Variants in SGSH observed in about 807,000 individuals in gnomAD.
The protein encoded by SGSH is N-sulfoglucosamine sulfohydrolase, also known as heparan sulfate sulfatase.
SGSH carries 48 observed loss-of-function variants against 51.0 expected under a neutral mutation model. The observed-to-expected ratio is 0.94, with a 90% confidence interval of 0.75 to 1.20. The LOEUF is 1.20. Among genes scored for constraint, SGSH ranks in the 50% most tolerant of loss-of-function variants. The pLI, the probability that SGSH is intolerant of heterozygous loss-of-function variation, is 0.00. For missense variants in SGSH, 662 were observed against 717.8 expected (o/e 0.92, Z 0.89); for synonymous variants, 321 against 313.4 (o/e 1.02, Z -0.26).
chr17:80,208,371 T>A, downstream of SGSH: 1 of 1,541,148 alleles, frequency 6.5e-7, no homozygotes, highest in Non-Finnish European at 8.8e-7. Context: ...CCCGGGACTG[T>A]GGGGGCTTCT....
chr17:80,210,927 C>A lies in SGSH; in HGVS notation c.1034G>T (p.Gly345Val), dbSNP rs1438243094. Reference protein sequence around the residue: ...IFGSKTIHLTGRSLLPALEAE... With the variant: ...IFGSKTIHLTVRSLLPALEAE... Reference sequence around the variant, plus strand: ...CTCCAGCGCCGGCAGGAGGGACCGGCCAGTGAGGTGGATGGTCTTCGAGCC... The same window carrying A: ...CTCCAGCGCCGGCAGGAGGGACCGGACAGTGAGGTGGATGGTCTTCGAGCC... Residue 345 changes from glycine to valine, a missense_variant, in exon 8 of 8, where the codon GGC becomes GTC. Transcript: ENST00000326317. The A allele has an allele frequency of 6.2e-7, 1 of 1,608,116 alleles. No individual in the cohort carries two copies. Among genetic ancestry groups the A allele is most frequent in the Non-Finnish European group, 8.5e-7 (1 of 1,179,966 alleles).
chr17:80,219,343 G>A (rs1225122469), intron 1 of SGSH, among the ~76,000 whole-genome samples: 1 of 152,128 alleles, frequency 6.6e-6, no homozygotes, highest in African/African-American at 2.4e-5. Flanking sequence ...TCAGCCCACA[G>A]AACTGTGAGA....
intron 1 of SGSH, among the ~76,000 whole-genome samples, chr17:80,218,972 C>G (rs528605634): frequency 2.1e-4 from 32 of 151,976 alleles, no homozygotes; most frequent in Non-Finnish European, 4.1e-4. Context: ...CCAGTCTGGG[C>G]AACACAGTGA....
At chr17:80,205,663 G>A (rs758935751), downstream of SGSH, 6 of 1,544,618 alleles carry the variant, frequency 3.9e-6, no homozygotes, top group African/African-American at 6.8e-5. Context: ...GTGAGGTCAA[G>A]GGCGGGGTGG....
At chr17:80,219,873 G>A in intron 1 of SGSH, 4 of 239,306 alleles carry the variant, frequency 1.7e-5, no homozygotes, top group Non-Finnish European at 3.2e-5. Context: ...TGCAGTCTCT[G>A]GGGACCGGAG....
intron 2 of SGSH, among the ~76,000 whole-genome samples, chr17:80,215,945 AAT>A (rs1275102701): frequency 6.6e-6 from 1 of 152,236 alleles, no homozygotes; most frequent in Non-Finnish European, 1.5e-5. Flanking sequence ...CATCCACTGG[AAT>A]ATGAGTCAGC....
intron 1 of SGSH, among the ~76,000 whole-genome samples, chr17:80,218,536 AGAG>A: frequency 6.6e-6 from 1 of 152,344 alleles, no homozygotes; most frequent in South Asian, 2.1e-4. Flanking sequence ...ATGGATGGAC[AGAG>A]GAGGCTGGGC....
At chr17:80,208,188 C>T (rs370106410), downstream of SGSH, 12 of 1,551,296 alleles carry the variant, frequency 7.7e-6, no homozygotes, top group East Asian at 4.8e-5. Flanking sequence ...CTGGAGGCTG[C>T]GAGGCAGGAG....
the SGSH span, chr17:80,201,660 C>A: frequency 1.3e-6 from 2 of 1,497,192 alleles, no homozygotes; most frequent in Non-Finnish European, 1.9e-6. This position sits in a 1 kb window ranked among gnomAD's most constrained non-coding sequence, Gnocchi z 5.0. Flanking sequence ...CCGCGCCTCG[C>A]CTCAGTGCCC....
At position 80,215,098 on chromosome 17, in the gene SGSH, T is replaced by C; in HGVS notation, c.290A>G (p.His97Arg). The C allele has an allele frequency of 1.2e-6, 2 of 1,612,440 alleles. No individual in the cohort carries two copies. Among genetic ancestry groups the C allele is most frequent in the Admixed American group, 1.7e-5 (1 of 60,014 alleles). Residue 97 changes from histidine (H) to arginine (R), a missense_variant, in exon 3 of 8, where the codon CAC (histidine) becomes CGC (arginine). His to Arg is a conservative substitution (Grantham distance 29). Transcript: ENST00000326317. ...GMYGLHQDVH[H>R]FNSFDKVRSL... ...CCGCACCTTGTCGAAGGAGTTGAAG[T>C]GGTGCACGTCCTGGTGCAGCCCGTA...
In SGSH at chr17:80,209,865, A is replaced by G. The variant is rs1048012853; in HGVS notation, c.*587T>C. ...CTGCCTGGGGAACAGGGACTTGACC[A>G]TGGGGCAAAACAGAAGAAGCAGAAA... is the stretch of plus-strand genomic sequence containing the variant. On this transcript the variant is annotated 3_prime_UTR_variant, in exon 8 of 8. Transcript: ENST00000326317. 7 of 989,270 alleles carry G rather than the reference A, an allele frequency of 7.1e-6. No homozygotes were observed. The highest frequency in any genetic ancestry group is 8.4e-6 in the Non-Finnish European group (7 of 832,280). 61.3% of individuals were successfully genotyped at this position (989,270 alleles called of 1,614,324 possible).
At chr17:80,204,310 CAG>C, downstream of SGSH, 1 of 1,592,790 alleles carries the variant, frequency 6.3e-7, no homozygotes, top group Non-Finnish European at 8.6e-7. Flanking sequence ...TGTCCTTTGA[CAG>C]GGGCCAGTTG....
At chr17:80,205,575 G>C (rs879289051), downstream of SGSH, 2 of 1,579,296 alleles carry the variant, frequency 1.3e-6, no homozygotes, top group Non-Finnish European at 1.7e-6. Flanking sequence ...CCAGAGAGGG[G>C]ACATCATCCA....
intron 1 of SGSH, 55 bp downstream of exon 1, chr17:80,220,170 TG>T: frequency 7.4e-7 from 1 of 1,344,816 alleles, no homozygotes; most frequent in Non-Finnish European, 1.0e-6. Context: ...AGGAGGCCAG[TG>T]GCCACTTCCC....
At chr17:80,204,124 C>A, downstream of SGSH, 2 of 1,142,800 alleles carry the variant, frequency 1.8e-6, no homozygotes, top group Non-Finnish European at 2.5e-6. Context: ...TGCGCCTCTG[C>A]ATCACTCCCA....
At chr17:80,208,139 A>T (rs1329941608), downstream of SGSH, 3 of 1,526,274 alleles carry the variant, frequency 2.0e-6, no homozygotes, top group Non-Finnish European at 2.7e-6. Context: ...CCTGTGCAGG[A>T]AGGGCCTACA....
chr17:80,210,853 C>T lies in SGSH; in HGVS notation c.1108G>A (p.Val370Ile), dbSNP rs201061563. 8.1e-6 allele frequency: 13 copies of T among 1,613,610 alleles called. No homozygotes were observed. Among genetic ancestry groups the T allele is most frequent in the Admixed American group, 5.0e-5 (3 of 60,006 alleles). The change falls in exon 8 of 8, where the codon GTC (valine) becomes ATC (isoleucine). Residue 370 changes from valine to isoleucine, a missense_variant. Physicochemically the swap from Val to Ile is conservative, Grantham distance 29. Transcript: ENST00000326317. ...GAGCGCATGGGGTAGGACATGGTGA[C>T]CTCGTGGTGGCTCTGGCTGCCAAAG... ...TVFGSQSHHE[V>I]TMSYPMRSVQ...
rs766256129 is a variant in SGSH, at chr17:80,215,005, C to T, written c.355+28G>A. The stretch of plus-strand genomic sequence containing the variant: ...GGCCTGGCCTCTGTGCCTCACCCCA[C>T]GCCCTGTCCTCGGCACGGGGTCCTC... On this transcript the variant is annotated intron_variant, in intron 3 of 7. Coordinates refer to ENST00000326317, the MANE Select transcript of SGSH (RefSeq NM_000199.5). 33 of 1,578,096 alleles carry T rather than the reference C, an allele frequency of 2.1e-5. 1 individual carries two copies. The highest frequency in any genetic ancestry group is 7.7e-5 in the South Asian group (7 of 90,464).
downstream of SGSH, chr17:80,205,355 G>T: frequency 8.6e-7 from 1 of 1,161,064 alleles, no homozygotes. Flanking sequence ...GATAGTTCAG[G>T]ATGGAGGTGC....
Sources: gnomAD v4.1 joint callset for allele counts (sites outside exome capture counted in the v4.1 genomes callset) on GRCh38, gnomAD v4.1.1 for gene constraint, Gnocchi (gnomAD v3.1) non-coding constraint, MANE v1.5 for transcripts, NCBI Gene and HGNC (gene_info 2026-07-23, HGNC 2026-07-21) for gene names.